The following MDGA2 variants were observed in gnomAD, a reference collection of about 807,000 sequenced individuals.
MDGA2 encodes MAM domain containing glycosylphosphatidylinositol anchor 2.
MDGA2 carries 40 observed loss-of-function variants against 117.8 expected under a neutral mutation model. The observed-to-expected ratio is 0.34, with a 90% CI of 0.26 to 0.44. The LOEUF is 0.44. Ranked by LOEUF, MDGA2 falls within the 20% of genes least tolerant of loss-of-function variation. MDGA2 has a pLI of 1.00. For synonymous variants in MDGA2, 452 were observed against 439.0 expected (o/e 1.03, Z -0.37); for missense variants, 1,123 against 1,250.6 (o/e 0.90, Z 1.54).
At chr14:47,270,671 T>C (rs1448640472) in intron 2 of MDGA2, among the ~76,000 whole-genome samples, 1 of 152,030 alleles carries the variant, frequency 6.6e-6, no homozygotes, top group Non-Finnish European at 1.5e-5. Context: ...GATGGAAAAA[T>C]ACAAAAACTT....
chr14:46,874,865 C>G (rs942390958), intron 12 of MDGA2, among the ~76,000 whole-genome samples: 1 of 151,040 alleles, frequency 6.6e-6, no homozygotes, highest in Non-Finnish European at 1.5e-5. Flanking sequence ...AGGGCCAACA[C>G]AAGTTCAGAG....
At chr14:46,904,026 T>G (rs1450067684) in intron 10 of MDGA2, among the ~76,000 whole-genome samples, 2 of 152,120 alleles carry the variant, frequency 1.3e-5, no homozygotes, top group African/African-American at 4.8e-5. Flanking sequence ...AACAAGGGTG[T>G]TTTCAGTGTA....
At chr14:47,602,796 G>A (rs1338421408) in intron 1 of MDGA2, among the ~76,000 whole-genome samples, 1 of 152,158 alleles carries the variant, frequency 6.6e-6, no homozygotes, top group East Asian at 1.9e-4. Flanking sequence ...CAGGGCTCAA[G>A]GACTGTGAAA....
At chr14:47,630,545 C>CAT (rs1433367836) in intron 1 of MDGA2, among the ~76,000 whole-genome samples, 3 of 152,184 alleles carry the variant, frequency 2.0e-5, no homozygotes, top group African/African-American at 7.2e-5. Flanking sequence ...CAGAATTATC[C>CAT]ATACAATACA....
At chr14:47,292,717 T>C (rs1055539585) in intron 2 of MDGA2, among the ~76,000 whole-genome samples, 1 of 152,196 alleles carries the variant, frequency 6.6e-6, no homozygotes, top group Non-Finnish European at 1.5e-5. Flanking sequence ...GTTGGCTCCA[T>C]GAAGTAGTTT....
intron 5 of MDGA2, among the ~76,000 whole-genome samples, chr14:47,107,439 T>C (rs1252842625): frequency 1.3e-5 from 2 of 152,102 alleles, no homozygotes; most frequent in Admixed American, 6.5e-5. Flanking sequence ...ATCTCAAACA[T>C]GCTTTCTTTA....
chr14:47,403,411 G>A (rs1354423417), intron 1 of MDGA2, among the ~76,000 whole-genome samples: 2 of 152,072 alleles, frequency 1.3e-5, no homozygotes, highest in Non-Finnish European at 2.9e-5. Context: ...CTGTCTAGAT[G>A]AATGTTGGAT....
chr14:47,589,240 T>C (rs1025315088), intron 1 of MDGA2, among the ~76,000 whole-genome samples: 2 of 152,060 alleles, frequency 1.3e-5, no homozygotes, highest in Non-Finnish European at 2.9e-5. Context: ...ATGTTGTTTC[T>C]AAGAAATCAT....
chr14:47,393,899 AT>A (rs1345449669), intron 1 of MDGA2, among the ~76,000 whole-genome samples: 1 of 152,164 alleles, frequency 6.6e-6, no homozygotes, highest in Admixed American at 6.6e-5. Flanking sequence ...TTGACTATAA[AT>A]ATAAACGAAC....
intron 1 of MDGA2, among the ~76,000 whole-genome samples, chr14:47,461,680 AT>A (rs1893489642): frequency 6.6e-6 from 1 of 151,700 alleles, no homozygotes; most frequent in Admixed American, 6.6e-5. Flanking sequence ...AATGAAAAAA[AT>A]AAAAACGAAA....
intron 8 of MDGA2, among the ~76,000 whole-genome samples, chr14:47,014,596 G>A (rs1278140102): frequency 6.6e-6 from 1 of 152,106 alleles, no homozygotes; most frequent in African/African-American, 2.4e-5. Flanking sequence ...TATGGAGATG[G>A]CTTCTTACCT....
At chr14:46,988,447 T>C (rs1330729810) in intron 8 of MDGA2, among the ~76,000 whole-genome samples, 1 of 152,032 alleles carries the variant, frequency 6.6e-6, no homozygotes, top group Non-Finnish European at 1.5e-5. Context: ...AAGCAAAGGT[T>C]AGATTCTGAC....
At chr14:47,171,368 A>G (rs1884125875) in intron 3 of MDGA2, among the ~76,000 whole-genome samples, 2 of 152,220 alleles carry the variant, frequency 1.3e-5, no homozygotes, top group African/African-American at 2.4e-5. Flanking sequence ...AGTAAAAATA[A>G]TACAAAATAT....
intron 2 of MDGA2, among the ~76,000 whole-genome samples, chr14:47,282,717 A>AAAAAAAAAAAAC (rs1566718704): frequency 2.7e-5 from 4 of 148,162 alleles, no homozygotes; most frequent in South Asian, 2.1e-4. Flanking sequence ...ACAAAAAACA[A>AAAAAAAAAAAAC]AAAACAAAAA....
In MDGA2 at chr14:46,887,201, T is replaced by A. The variant is rs375789897; in HGVS notation, c.2239-4980A>T. ...AAAATACATCTATTAGTCTTTACCA[T>A]GTGCCACTATTTTAACTGTCTTATA... On this transcript the variant is annotated intron_variant, in intron 10 of 16. Transcript: ENST00000399232. Among the ~76,000 whole-genome samples the A allele has an allele frequency of 3.9e-5, 6 of 152,034 alleles. No homozygotes were observed. In the East Asian group the frequency reaches 7.7e-4, roughly 20 times the overall value.
chr14:47,314,260 C>T (rs1208356470), intron 1 of MDGA2, among the ~76,000 whole-genome samples: 1 of 152,080 alleles, frequency 6.6e-6, no homozygotes, highest in African/African-American at 2.4e-5. Context: ...CATGTCCCAC[C>T]CATAGTGTGC....
chr14:46,973,099 G>A (rs1057195047), intron 8 of MDGA2, among the ~76,000 whole-genome samples: 4 of 152,124 alleles, frequency 2.6e-5, no homozygotes, highest in South Asian at 2.1e-4. Context: ...CCCAAAATCT[G>A]GAAGACTGAC....
chr14:46,965,498 T>A (rs556351707), intron 8 of MDGA2, among the ~76,000 whole-genome samples: 111 of 152,290 alleles, frequency 7.3e-4, no homozygotes, highest in African/African-American at 2.6e-3. Context: ...AAAAGGCCTT[T>A]TATTTAAAAG....
intron 4 of MDGA2, among the ~76,000 whole-genome samples, chr14:47,135,545 T>C (rs1278865120): frequency 6.6e-6 from 1 of 152,122 alleles, no homozygotes; most frequent in Non-Finnish European, 1.5e-5. Flanking sequence ...CAAGAAGAAA[T>C]GTAGTCTCTT....
Sources: gnomAD v4.1 joint callset for allele counts (sites outside exome capture counted in the v4.1 genomes callset) on GRCh38, gnomAD v4.1.1 for gene constraint, MANE v1.5 for transcripts, NCBI Gene and HGNC (gene_info 2026-07-23, HGNC 2026-07-21) for gene names.